Variants in TRANK1 observed in about 807,000 individuals in gnomAD.
The protein encoded by TRANK1 is tetratricopeptide repeat and ankyrin repeat containing 1, also known as TPR and ankyrin repeat-containing protein 1.
TRANK1 carries 198 observed loss-of-function variants against 266.0 expected under a neutral mutation model. The ratio of observed to expected loss-of-function variants is 0.74; its 90% CI spans 0.66 to 0.84. TRANK1 has a LOEUF of 0.84. Among genes scored for constraint, TRANK1 ranks in the 40% least tolerant of loss-of-function variants. TRANK1 has a pLI of 0.00. For missense variants in TRANK1, 3,326 were observed against 3,634.6 expected, an observed-to-expected ratio of 0.92 and a Z score of 2.18; for synonymous variants, 1,396 against 1,384.1, an observed-to-expected ratio of 1.01 and a Z score of -0.19.
Position 36,856,137 on chromosome 3 carries a change from C to T in TRANK1, c.3585G>A (p.Val1195=). ...CCTGGCACAGCACATGGTTCTTGGT[C>T]ACAAAGATCTGATGTAAATGCTCCA... ...HQLEHLHQIF[V]TKNHVLCQEV... The change falls in exon 13 of 24, where the codon GTG becomes GTA. Residue 1195 remains valine, a synonymous_variant. Coordinates refer to ENST00000645898, the MANE Select transcript of TRANK1 (RefSeq NM_001329998.2). 6.2e-7 allele frequency: 1 copy of T among 1,613,868 alleles called. No homozygotes were observed. Among genetic ancestry groups the T allele is most frequent in the Non-Finnish European group, 8.5e-7 (1 of 1,179,874 alleles).
chr3:36,828,973 C>T (rs2078661449), intron 23 of TRANK1, among the ~76,000 whole-genome samples: 1 of 152,166 alleles, frequency 6.6e-6, no homozygotes, highest in Admixed American at 6.5e-5. Context: ...GGAATGTGGT[C>T]CTGTGGCTGG....
At chr3:36,873,322 A>C (rs2079336936) in intron 9 of TRANK1, among the ~76,000 whole-genome samples, 1 of 152,234 alleles carries the variant, frequency 6.6e-6, no homozygotes, top group African/African-American at 2.4e-5. Flanking sequence ...CATATCAAGG[A>C]GGAAATCTAT....
chr3:36,936,836 T>C (rs1415876431), intron 1 of TRANK1, among the ~76,000 whole-genome samples: 1 of 152,090 alleles, frequency 6.6e-6, no homozygotes, highest in Non-Finnish European at 1.5e-5. Flanking sequence ...GCATGATGGC[T>C]CACGCCTGTA....
chr3:36,843,771 A>G (rs186636797), intron 17 of TRANK1, among the ~76,000 whole-genome samples: 2 of 152,310 alleles, frequency 1.3e-5, no homozygotes, highest in East Asian at 1.9e-4. Flanking sequence ...TGAGGCAGAC[A>G]GGTCAGATTT....
At chr3:36,879,144 G>A (rs2079435368) in intron 8 of TRANK1, among the ~76,000 whole-genome samples, 1 of 150,514 alleles carries the variant, frequency 6.6e-6, no homozygotes, top group Admixed American at 6.6e-5. Flanking sequence ...CTTTGGTTTT[G>A]GCAATTGTTT....
intron 1 of TRANK1, among the ~76,000 whole-genome samples, chr3:36,924,148 G>A (rs916361178): frequency 7.9e-5 from 12 of 152,116 alleles, no homozygotes; most frequent in African/African-American, 2.4e-4. Flanking sequence ...TCTCCTGGGC[G>A]GGCACCAGGT....
intron 6 of TRANK1, 38 bp from the exon 7 acceptor site, chr3:36,892,378 C>T: frequency 6.5e-7 from 1 of 1,535,426 alleles, no homozygotes; most frequent in Non-Finnish European, 8.7e-7. Flanking sequence ...TTATGGAAGT[C>T]ACTAATCAAT....
chr3:36,874,703 T>C (rs182151494), intron 8 of TRANK1, among the ~76,000 whole-genome samples: 7 of 152,226 alleles, frequency 4.6e-5, no homozygotes, highest in Non-Finnish European at 7.4e-5. Context: ...AGACAGGACA[T>C]GAAAGCGGTG....
chr3:36,930,550 A>G (rs1329165796), intron 1 of TRANK1, among the ~76,000 whole-genome samples: 3 of 152,232 alleles, frequency 2.0e-5, no homozygotes, highest in African/African-American at 7.2e-5. Context: ...GGAAACTAAT[A>G]TACATCATAC....
Position 36,838,382 on chromosome 3 carries a change from C to T in TRANK1, c.5507G>A (p.Arg1836Lys). The T allele has an allele frequency of 3.1e-6, 5 of 1,614,008 alleles. No individual in the cohort carries two copies. The highest frequency in any genetic ancestry group is 3.4e-6 in the Non-Finnish European group (4 of 1,179,872). Residue 1836 changes from arginine (R) to lysine (K), a missense_variant, in exon 20 of 24, where the codon AGG (arginine) becomes AAG (lysine). Coordinates refer to ENST00000645898, the MANE Select transcript of TRANK1 (RefSeq NM_001329998.2). ...GACTAGGAGCCATACCTTTCCCAGC[C>T]TCTCGCACAGCTGGGCAGAGAGCTG... is the stretch of plus-strand genomic sequence containing the variant. Reference protein sequence around the residue: ...EFQLSAQLCERLGKIRDAAYF... With the variant: ...EFQLSAQLCEKLGKIRDAAYF...
intron 1 of TRANK1, among the ~76,000 whole-genome samples, chr3:36,924,826 T>C (rs1202884794): frequency 1.3e-5 from 2 of 152,200 alleles, no homozygotes; most frequent in Non-Finnish European, 2.9e-5. Flanking sequence ...GCTTGGCCAC[T>C]GGAAACAGGA....
chr3:36,879,857 C>T (rs796531977), intron 8 of TRANK1, among the ~76,000 whole-genome samples: 2 of 87,140 alleles, frequency 2.3e-5, no homozygotes, highest in Non-Finnish European at 4.2e-5. Flanking sequence ...TGTAAATATA[C>T]AAATATATGT....
In TRANK1 at chr3:36,833,263, T is replaced by C. The variant is rs1201408574; in HGVS notation, c.6320A>G (p.Lys2107Arg). 5 of 1,613,930 alleles carry C rather than the reference T, an allele frequency of 3.1e-6. No homozygotes were observed. The highest frequency in any genetic ancestry group is 4.2e-6 in the Non-Finnish European group (5 of 1,179,900). The change falls in exon 22 of 24, where the codon AAG becomes AGG. Residue 2107 changes from lysine (K) to arginine (R), a missense_variant. Physicochemically the swap from Lys to Arg is conservative, Grantham distance 26. Coordinates refer to ENST00000645898, the MANE Select transcript of TRANK1 (RefSeq NM_001329998.2). ...ALKRVTNNAE[K>R]EMVKSCFEFF... ...CTCAAAGCAAGATTTGACCATTTCC[T>C]TCTCAGCATTGTTGGTCACTCTTTT...
chr3:36,839,767 G>T (rs2078818825), intron 18 of TRANK1, among the ~76,000 whole-genome samples: 1 of 152,158 alleles, frequency 6.6e-6, no homozygotes, highest in Non-Finnish European at 1.5e-5. Context: ...TGCCTGTTTT[G>T]CTTACCATCA....
chr3:36,879,853 T>C (rs191736034), intron 8 of TRANK1, among the ~76,000 whole-genome samples: 7,149 of 86,500 alleles, frequency 0.083, 1,382 homozygotes, highest in South Asian at 0.16. Flanking sequence ...TATATGTAAA[T>C]ATACAAATAT....
chr3:36,828,187 C>A lies in TRANK1; in HGVS notation c.*88G>T. The A allele has an allele frequency of 2.1e-6, 2 of 949,608 alleles. No individual in the cohort carries two copies. Among genetic ancestry groups the A allele is most frequent in the Non-Finnish European group, 3.3e-6 (2 of 611,156 alleles). 58.8% of individuals were successfully genotyped at this position (949,608 alleles called of 1,614,324 possible). ...CCCCTATTTTTAAAATGCTAATTCA[C>A]ATTCTTTTTGTCTTCTGCCCCAGCG... On this transcript the variant is annotated 3_prime_UTR_variant, in exon 24 of 24. Transcript: ENST00000645898.
At chr3:36,874,363 C>A in intron 8 of TRANK1, 67 bp from the exon 9 acceptor site, 1 of 1,484,194 alleles carries the variant, frequency 6.7e-7, no homozygotes, top group South Asian at 1.3e-5. Flanking sequence ...CCCATGAGTG[C>A]TCTTCTTCTC....
Position 36,944,937 on chromosome 3 carries a change from A to T in TRANK1, c.-128T>A. On this transcript the variant is annotated 5_prime_UTR_variant, in exon 1 of 24. Coordinates refer to ENST00000645898, the MANE Select transcript of TRANK1 (RefSeq NM_001329998.2). ...GCCCGGGGCAGGGGCGGCGCGATGC[A>T]GAGGCGGCGTTCGGGGGCCCCCAGC... is the stretch of plus-strand genomic sequence containing the variant. 2 of 1,024,354 alleles carry T rather than the reference A, an allele frequency of 2.0e-6. No homozygotes were observed. The highest frequency in any genetic ancestry group is 3.4e-5 in the African/African-American group (2 of 59,018). The allele number at this position is 1,024,354 out of a possible 1,614,324, so 63.5% of individuals were successfully genotyped here.
At position 36,883,146 on chromosome 3, in the gene TRANK1, G is replaced by A. The variant is rs761697864; in HGVS notation, c.907+6683C>T. 6.2e-4 allele frequency among the ~76,000 whole-genome samples: 95 copies of A among 152,050 alleles called. 4 individuals carry two copies. Among genetic ancestry groups the A allele is most frequent in the Middle Eastern group, 6.8e-3 (2 of 294 alleles). On this transcript the variant is annotated intron_variant, in intron 8 of 23. Coordinates refer to ENST00000645898, the MANE Select transcript of TRANK1 (RefSeq NM_001329998.2). Reference sequence around the variant, plus strand: ...GAGTGATTTCCAGGACATACTCTCAGTGAAAAAAATCAGGCAAGGTGCAAT... The same window carrying A: ...GAGTGATTTCCAGGACATACTCTCAATGAAAAAAATCAGGCAAGGTGCAAT...
Sources: allele counts gnomAD v4.1 joint callset (sites outside exome capture counted in the v4.1 genomes callset), GRCh38; gene constraint gnomAD v4.1.1; transcripts MANE v1.5; gene names NCBI Gene and HGNC (gene_info 2026-07-23, HGNC 2026-07-21).